Variants in FLNB observed in about 807,000 individuals in gnomAD.
The protein encoded by FLNB is filamin-B.
In FLNB, 111 loss-of-function variants were observed where a neutral mutation model predicts 250.6. That is an observed-to-expected ratio of 0.44 (90% CI 0.38 to 0.52). The LOEUF (loss-of-function observed/expected upper bound fraction) is 0.52, where lower values mean the gene tolerates loss of function less well. FLNB is among the 20% of genes least tolerant of loss of function. The pLI, the probability that FLNB is intolerant of heterozygous loss-of-function variation, is 0.00. For synonymous variants in FLNB, 1,302 were observed against 1,372.1 expected, an observed-to-expected ratio of 0.95 and a Z score of 1.13; for missense variants, 2,869 against 3,447.8, an observed-to-expected ratio of 0.83 and a Z score of 4.20.
At position 58,108,588 on chromosome 3, in the gene FLNB, C is replaced by T. The variant is rs752717450; in HGVS notation, c.2055+17C>T. Reference sequence around the variant, plus strand: ...TTTGCTCAGGTAAATTTCAGGGGGCCACCTGTGCAGGTAATTGTCAGGTAA... The same window carrying T: ...TTTGCTCAGGTAAATTTCAGGGGGCTACCTGTGCAGGTAATTGTCAGGTAA... On this transcript the variant is annotated intron_variant, in intron 13 of 45. Coordinates refer to ENST00000295956, the MANE Select transcript of FLNB (RefSeq NM_001457.4). 7.3e-6 allele frequency: 11 copies of T among 1,505,898 alleles called. No homozygotes were observed. Among genetic ancestry groups the T allele is most frequent in the Non-Finnish European group, 1.0e-5 (11 of 1,081,404 alleles). The allele number at this position is 1,505,898 out of a possible 1,614,324, so 93.3% of individuals were successfully genotyped here. A position where few individuals can be genotyped will look rare whatever the true frequency, so the allele number is the denominator to read the frequency against.
intron 1 of FLNB, among the ~76,000 whole-genome samples, chr3:58,050,348 T>TTTTA (rs1436037444): frequency 1.3e-5 from 2 of 152,042 alleles, no homozygotes; most frequent in African/African-American, 4.8e-5. Flanking sequence ...TTTTAAAGGG[T>TTTTA]AATTTGCTGT....
In FLNB at chr3:58,111,893, C is replaced by G. The variant is rs750560502; in HGVS notation, c.2575+12C>G. 6.2e-7 allele frequency: 1 copy of G among 1,608,880 alleles called. No individual in the cohort carries two copies. Reference sequence around the variant, plus strand: ...GCTCAGCAAAGCAGGTAAGATGGCACGTCTAGGTTGTCCTGGGCCCCTCTG... The same window carrying G: ...GCTCAGCAAAGCAGGTAAGATGGCAGGTCTAGGTTGTCCTGGGCCCCTCTG... On this transcript the variant is annotated intron_variant, in intron 17 of 45. Coordinates refer to ENST00000295956, the MANE Select transcript of FLNB (RefSeq NM_001457.4).
At chr3:58,051,018 T>C (rs1306226571) in intron 1 of FLNB, among the ~76,000 whole-genome samples, 1 of 152,230 alleles carries the variant, frequency 6.6e-6, no homozygotes, top group Non-Finnish European at 1.5e-5. Context: ...GAGTTGGACC[T>C]GATCACACTT....
chr3:58,084,255 T>C (rs1031025070), intron 4 of FLNB, among the ~76,000 whole-genome samples: 1 of 151,342 alleles, frequency 6.6e-6, no homozygotes, highest in Non-Finnish European at 1.5e-5. Flanking sequence ...GAATGAGGAA[T>C]CTCTGACTTT....
At chr3:58,067,741 C>T (rs1390780027) in intron 1 of FLNB, among the ~76,000 whole-genome samples, 1 of 152,040 alleles carries the variant, frequency 6.6e-6, no homozygotes, top group Admixed American at 6.5e-5. Flanking sequence ...GGGTTACAGG[C>T]GCCCACCATC....
Position 58,155,776 on chromosome 3 carries a change from G to A in FLNB, c.6773-184G>A, listed in dbSNP as rs555047117. Among the ~76,000 whole-genome samples the A allele has an allele frequency of 5.9e-5, 9 of 152,248 alleles. No homozygotes were observed. The South Asian group carries it at 1.9e-3, about 32-fold the overall frequency. ...CTGTGAGCCCCGGTTAAGAGTCCCT[G>A]GCCTTACCCCACTAAGGAAATCATA... is the stretch of plus-strand genomic sequence containing the variant. On this transcript the variant is annotated intron_variant, in intron 40 of 45. Coordinates refer to ENST00000295956, the MANE Select transcript of FLNB (RefSeq NM_001457.4).
At chr3:58,155,053 GC>G (rs2097351230) in intron 40 of FLNB, 125 bp downstream of exon 40, 2 of 929,340 alleles carry the variant, frequency 2.2e-6, no homozygotes, top group East Asian at 5.2e-5. Flanking sequence ...ACATGGGACA[GC>G]CTCCTAGAAA....
At chr3:58,100,370 A>AT (rs1300390295) in intron 8 of FLNB, among the ~76,000 whole-genome samples, 28 of 119,472 alleles carry the variant, frequency 2.3e-4, no homozygotes, top group South Asian at 9.1e-4. Context: ...TATGTAAAAA[A>AT]AAAATATATA....
rs201147140 is a variant in FLNB, at chr3:58,163,508, A to C, written c.7198+178A>C. 1.6e-5 allele frequency: 10 copies of C among 630,760 alleles called. No individual in the cohort carries two copies. The East Asian group carries it at 2.7e-4, about 17-fold the overall frequency. 39.1% of individuals were successfully genotyped at this position (630,760 alleles called of 1,614,324 possible). On this transcript the variant is annotated intron_variant, in intron 43 of 45. Transcript: ENST00000295956. ...TGTTTTGGGAGTTGCGGTTTGACCC[A>C]CGATAAATCCAGAGTGAGAGCTCGA...
chr3:58,098,889 C>A lies in FLNB; in HGVS notation c.1326C>A (p.Phe442Leu). 1.2e-6 allele frequency: 2 copies of A among 1,613,964 alleles called. No homozygotes were observed. Among genetic ancestry groups the A allele is most frequent in the East Asian group, 2.2e-5 (1 of 44,878 alleles). ...FAGDTIPKSP[F>L]VVQVGEACNP... ...GGGACACTATTCCTAAGAGTCCCTT[C>A]GTTGTGCAGGTTGGGGAAGGTGAGT... The change falls in exon 8 of 46, where the codon TTC becomes TTA. Residue 442 changes from phenylalanine (F) to leucine (L), a missense_variant. Around this residue, in one of 5 missense-constraint regions of FLNB, gnomAD observed 1,348 missense variants for 1,466.7 expected, o/e 0.92. Transcript: ENST00000295956.
rs199653368 is a variant in FLNB, at chr3:58,121,285, G to C, written c.2908G>C (p.Gly970Arg). The change falls in exon 20 of 46, where the codon GGG becomes CGG. Residue 970 changes from glycine to arginine, a missense_variant. Physicochemically the swap from Gly to Arg is moderately radical, Grantham distance 125. This residue lies in a region of FLNB where 1,348 missense variants were observed against 1,466.7 expected (regional missense o/e 0.92). Coordinates refer to ENST00000295956, the MANE Select transcript of FLNB (RefSeq NM_001457.4). ...KDQEFTVDTR[G>R]AGGQGKLDVT... ...TCAGGAGTTCACCGTTGATACCAGGGGGGCAGGAGGCCAGGGGAAGCTGGA... is the reference window on the plus strand; with the variant it reads ...TCAGGAGTTCACCGTTGATACCAGGCGGGCAGGAGGCCAGGGGAAGCTGGA... The C allele has an allele frequency of 1.9e-6, 3 of 1,614,126 alleles. No individual in the cohort carries two copies. Among genetic ancestry groups the C allele is most frequent in the African/African-American group, 1.3e-5 (1 of 75,014 alleles).
intron 42 of FLNB, among the ~76,000 whole-genome samples, chr3:58,161,965 G>A (rs2097362533): frequency 6.6e-6 from 1 of 152,160 alleles, no homozygotes; most frequent in South Asian, 2.1e-4. Flanking sequence ...GTCATTTCCT[G>A]TGGCTAAAGA....
chr3:58,138,629 T>C, intron 29 of FLNB, 100 bp downstream of exon 29: 1 of 1,505,946 alleles, frequency 6.6e-7, no homozygotes, highest in African/African-American at 1.4e-5. Context: ...CACCTTTTTT[T>C]TCCTTTGGAA....
In FLNB at chr3:58,146,015, C is replaced by T. The variant is rs371823167; in HGVS notation, c.5520C>T (p.Ala1840=). ...GLVYGVANKT[A]TFTIVTEDAG... ...TGTATGGAGTGGCCAACAAAACTGC[C>T]ACCTTCACCATCGTCACAGAGGATG... The change falls in exon 33 of 46, where the codon GCC becomes GCT. Residue 1840 remains alanine (A), a synonymous_variant. Coordinates refer to ENST00000295956, the MANE Select transcript of FLNB (RefSeq NM_001457.4). 84 of 1,614,072 alleles carry T rather than the reference C, an allele frequency of 5.2e-5. No individual in the cohort carries two copies. Among genetic ancestry groups the T allele is most frequent in the Non-Finnish European group, 6.3e-5 (74 of 1,180,042 alleles).
At chr3:58,153,194 T>G (rs1389737512) in intron 38 of FLNB, among the ~76,000 whole-genome samples, 181 bp from the exon 39 acceptor site, 4 of 152,198 alleles carry the variant, frequency 2.6e-5, no homozygotes, top group African/African-American at 9.6e-5. Context: ...TGAAGGGCCC[T>G]GCCCACTCCA....
At chr3:58,028,808 A>T (rs1321125360) in intron 1 of FLNB, among the ~76,000 whole-genome samples, 2 of 150,898 alleles carry the variant, frequency 1.3e-5, no homozygotes, top group Non-Finnish European at 3.0e-5. Context: ...TGGAGGTGGG[A>T]TTTCACCATG....
intron 24 of FLNB, among the ~76,000 whole-genome samples, chr3:58,128,017 T>C (rs1323945166): frequency 1.3e-5 from 2 of 152,166 alleles, no homozygotes; most frequent in African/African-American, 4.8e-5. Flanking sequence ...GGGCCACTTA[T>C]GCCTTGTCTT....
At chr3:58,125,329 C>T (rs975333971) in intron 22 of FLNB, among the ~76,000 whole-genome samples, 1 of 152,078 alleles carries the variant, frequency 6.6e-6, no homozygotes, top group African/African-American at 2.4e-5. Flanking sequence ...GATGGGGTCT[C>T]GCCATGTTGC....
At chr3:58,160,248 G>T (rs1288404384) in intron 42 of FLNB, among the ~76,000 whole-genome samples, 1 of 152,138 alleles carries the variant, frequency 6.6e-6, no homozygotes, top group Non-Finnish European at 1.5e-5. Flanking sequence ...GGAAAAGTAG[G>T]TTAATGTTCT....
Sources: gnomAD v4.1 joint callset for allele counts (sites outside exome capture counted in the v4.1 genomes callset) on GRCh38, gnomAD v4.1.1 for gene constraint, gnomAD v4.1.1 regional missense constraint, MANE v1.5 for transcripts, NCBI Gene and HGNC (gene_info 2026-07-23, HGNC 2026-07-21) for gene names.